SLC22A16: variants seen among roughly 807,000 people sequenced by gnomAD.
SLC22A16 encodes the protein solute carrier family 22 member 16.
In SLC22A16, 53 loss-of-function variants were observed where a neutral mutation model predicts 52.9. The ratio of observed to expected loss-of-function variants is 1.00; its 90% confidence interval spans 0.80 to 1.26. The LOEUF is 1.26. Ranked by LOEUF, SLC22A16 falls within the 50% of genes most tolerant of loss-of-function variation. The pLI, the probability that SLC22A16 is intolerant of heterozygous loss-of-function variation, is 0.00. For synonymous variants in SLC22A16, 291 were observed against 268.8 expected (o/e 1.08, Z -0.81); for missense variants, 726 against 704.0 (o/e 1.03, Z -0.35).
intron 7 of SLC22A16, among the ~76,000 whole-genome samples, chr6:110,429,871 G>A (rs998160730): frequency 3.3e-5 from 5 of 152,104 alleles, no homozygotes; most frequent in African/African-American, 1.2e-4. Context: ...TGTCTTTGGA[G>A]GGGCCGTTTG....
chr6:110,458,267 C>A (rs1343378869), intron 1 of SLC22A16, among the ~76,000 whole-genome samples: 1 of 152,194 alleles, frequency 6.6e-6, no homozygotes, highest in Non-Finnish European at 1.5e-5. Context: ...TTTACCCTGC[C>A]CCCATGTCTT....
intron 1 of SLC22A16, among the ~76,000 whole-genome samples, chr6:110,466,543 A>G (rs778335416): frequency 2.6e-5 from 4 of 152,188 alleles, no homozygotes; most frequent in African/African-American, 9.7e-5. Context: ...ATCACTAATC[A>G]TCAGAGAAAT....
intron 3 of SLC22A16, among the ~76,000 whole-genome samples, chr6:110,443,308 A>T (rs1775048055): frequency 6.6e-6 from 1 of 152,240 alleles, no homozygotes; most frequent in Non-Finnish European, 1.5e-5. Flanking sequence ...GCAGAACTGG[A>T]TAAAATATTT....
intron 5 of SLC22A16, among the ~76,000 whole-genome samples, chr6:110,438,304 T>C (rs1326025447): frequency 1.3e-5 from 2 of 152,178 alleles, no homozygotes; most frequent in Non-Finnish European, 2.9e-5. Context: ...CTCTGGGAAT[T>C]AGGATTATGA....
chr6:110,470,106 T>C (rs1776210128), intron 1 of SLC22A16, among the ~76,000 whole-genome samples: 1 of 152,158 alleles, frequency 6.6e-6, no homozygotes, highest in Non-Finnish European at 1.5e-5. Context: ...TCCAGATCAT[T>C]ACAGTGTGGC....
intron 5 of SLC22A16, among the ~76,000 whole-genome samples, chr6:110,437,109 G>A (rs777396324): frequency 3.3e-5 from 5 of 152,114 alleles, no homozygotes; most frequent in Non-Finnish European, 7.3e-5. Context: ...GAGATTCTGG[G>A]ATGCCTCTAT....
intron 2 of SLC22A16, among the ~76,000 whole-genome samples, chr6:110,455,136 G>A (rs1317354081): frequency 2.1e-5 from 3 of 146,046 alleles, no homozygotes; most frequent in Non-Finnish European, 4.5e-5. Context: ...ACTATACCAA[G>A]TTCAGACAAA....
At chr6:110,463,035 AAAG>A (rs147057209) in intron 1 of SLC22A16, among the ~76,000 whole-genome samples, 7,494 of 152,158 alleles carry the variant, frequency 0.049, 218 homozygotes, top group South Asian at 0.085. Context: ...AAGCCTCATA[AAAG>A]AAGGAGAAAT....
rs59614723 is a variant in SLC22A16, at chr6:110,427,765, G to A, written c.1522-2680C>T. Among the ~76,000 whole-genome samples the A allele has an allele frequency of 9.0e-4, 137 of 152,300 alleles. 1 individual carries two copies. Among genetic ancestry groups the A allele is most frequent in the African/African-American group, 3.1e-3 (130 of 41,574 alleles). On this transcript the variant is annotated intron_variant, in intron 7 of 7. Transcript: ENST00000368919. ...TGTGGGATTACTTGTGTGAGCCACC[G>A]CGCCTGCCCTACTGCTATTATATAT... is the stretch of plus-strand genomic sequence containing the variant.
intron 1 of SLC22A16, among the ~76,000 whole-genome samples, chr6:110,466,619 A>C (rs1377875106): frequency 6.6e-6 from 1 of 152,130 alleles, no homozygotes; most frequent in Non-Finnish European, 1.5e-5. Flanking sequence ...AAAAAGTCAA[A>C]AATAACAGAT....
At chr6:110,458,794 A>G (rs554460562) in intron 1 of SLC22A16, among the ~76,000 whole-genome samples, 4 of 152,328 alleles carry the variant, frequency 2.6e-5, no homozygotes, top group East Asian at 3.9e-4. Context: ...TGGGACATCC[A>G]TATTCTCTGG....
intron 2 of SLC22A16, among the ~76,000 whole-genome samples, chr6:110,453,359 T>C (rs1775456537): frequency 6.6e-6 from 1 of 152,214 alleles, no homozygotes; most frequent in Non-Finnish European, 1.5e-5. Context: ...GAGCTACTTA[T>C]TCACCTTGAA....
intron 5 of SLC22A16, among the ~76,000 whole-genome samples, 178 bp downstream of exon 5, chr6:110,438,542 A>G (rs1042622569): frequency 2.0e-5 from 3 of 151,128 alleles, no homozygotes; most frequent in Non-Finnish European, 4.4e-5. Flanking sequence ...TCTAAAATGA[A>G]CATATATTAC....
At chr6:110,475,915 A>G (rs1341889854) in intron 1 of SLC22A16, 1 of 456,488 alleles carries the variant, frequency 2.2e-6, no homozygotes, top group East Asian at 6.9e-5. Context: ...TTGTTTCCCA[A>G]TCACTAAAAT....
rs1774488744 is a variant in SLC22A16 at position 110,431,225 on chromosome 6, G to T, written c.1467C>A (p.Ser489Arg). The T allele has an allele frequency of 6.2e-7, 1 of 1,613,462 alleles. No homozygotes were observed. ...GGTCCACAGAGAACGGCGCCAGGAT[G>T]CTGGCCAGGCGACACACCATGCTGC... ...GSGSMVCRLA[S>R]ILAPFSVDLS... is the part of the protein sequence containing the mutation. The change falls in exon 7 of 8, where the codon AGC becomes AGA. Residue 489 changes from serine (S) to arginine (R), a missense_variant. Ser to Arg is a moderately radical substitution (Grantham distance 110). Transcript: ENST00000368919.
chr6:110,427,260 A>AAAAAAAAAAAAAAG (rs538137410), intron 7 of SLC22A16, among the ~76,000 whole-genome samples: 6 of 137,982 alleles, frequency 4.3e-5, no homozygotes, highest in South Asian at 2.3e-4. Flanking sequence ...AAAAAAAAAA[A>AAAAAAAAAAAAAAG]AAAAGAAAAA....
intron 7 of SLC22A16, among the ~76,000 whole-genome samples, chr6:110,430,156 C>T (rs1168952878): frequency 6.6e-6 from 1 of 151,608 alleles, no homozygotes; most frequent in Non-Finnish European, 1.5e-5. Context: ...GGCACTGGGA[C>T]CAGGCATGCA....
chr6:110,453,482 A>G, intron 2 of SLC22A16: 1 of 378,734 alleles, frequency 2.6e-6, no homozygotes, highest in South Asian at 2.0e-5. Flanking sequence ...GATGCTGGCA[A>G]AAACACAAGA....
At chr6:110,427,142 G>T (rs1165050907) in intron 7 of SLC22A16, among the ~76,000 whole-genome samples, 4 of 151,372 alleles carry the variant, frequency 2.6e-5, no homozygotes, top group African/African-American at 9.7e-5. Flanking sequence ...CAGCTACTTG[G>T]GAGGCTGAGG....
Sources: allele counts gnomAD v4.1 joint callset (sites outside exome capture counted in the v4.1 genomes callset), GRCh38; gene constraint gnomAD v4.1.1; transcripts MANE v1.5; gene names NCBI Gene and HGNC (gene_info 2026-07-23, HGNC 2026-07-21).